The following NOTCH3 variants were observed in gnomAD, a reference collection of about 807,000 sequenced individuals.
NOTCH3 encodes the protein notch receptor 3.
NOTCH3 carries 86 observed loss-of-function variants against 213.3 expected under a neutral mutation model. That is an observed-to-expected ratio of 0.40 (90% CI 0.34 to 0.48). NOTCH3 has a LOEUF of 0.48. Ranked by LOEUF, NOTCH3 falls within the 20% of genes least tolerant of loss-of-function variation. The pLI is 0.57. For missense variants in NOTCH3, 2,783 were observed against 3,272.6 expected, an observed-to-expected ratio of 0.85 and a Z score of 3.65; for synonymous variants, 1,354 against 1,355.9, an observed-to-expected ratio of 1.00 and a Z score of 0.03.
In NOTCH3 at chr19:15,200,913, G is replaced by T; in HGVS notation, c.-8C>A. The T allele has an allele frequency of 2.7e-6, 1 of 364,246 alleles. No individual in the cohort carries two copies. The highest frequency in any genetic ancestry group is 7.1e-5 in the East Asian group (1 of 14,006). 22.6% of individuals were successfully genotyped at this position (364,246 alleles called of 1,614,324 possible). On this transcript the variant is annotated 5_prime_UTR_variant, in exon 1 of 33. Coordinates refer to ENST00000263388, the MANE Select transcript of NOTCH3 (RefSeq NM_000435.3). The stretch of plus-strand genomic sequence containing the variant: ...ACGGGCCCCCGGCCCCATGGCGGCC[G>T]GCCGCGACCCTCCCCTCCTCCCTCC...
intron 2 of NOTCH3, among the ~76,000 whole-genome samples, chr19:15,193,784 AAAC>A (rs1187678030): frequency 0.013 from 1,693 of 134,778 alleles, 180 homozygotes; most frequent in African/African-American, 0.043. Context: ...AAAAAACAAA[AAAC>A]AAAAAAAACA....
At chr19:15,197,450 C>G in intron 2 of NOTCH3, 50 bp downstream of exon 2, 1 of 890,776 alleles carries the variant, frequency 1.1e-6, no homozygotes, top group South Asian at 1.4e-5. Flanking sequence ...CGCCCCTCCC[C>G]CCCGCCCCCA....
Position 15,165,870 on chromosome 19 carries a change from C to T in NOTCH3, c.5584G>A (p.Gly1862Arg). 2 of 1,614,090 alleles carry T rather than the reference C, an allele frequency of 1.2e-6. No homozygotes were observed. Among genetic ancestry groups the T allele is most frequent in the Non-Finnish European group, 1.7e-6 (2 of 1,180,008 alleles). The change falls in exon 30 of 33, where the codon GGG becomes AGG. Residue 1862 changes from glycine to arginine, a missense_variant. Physicochemically the swap from Gly to Arg is moderately radical, Grantham distance 125 (BLOSUM62 -2). This residue lies in a region of NOTCH3 where 636 missense variants were observed against 801.8 expected (regional missense o/e 0.79). Transcript: ENST00000263388. This position sits in a 1 kb window ranked among gnomAD's most constrained non-coding sequence, Gnocchi z 4.7. ...TGGTCCTGGGCATTGGTGTCTGCCC[C>T]AGCATCCAGCAGCCGCTTGGCTGCA... is the stretch of plus-strand genomic sequence containing the variant. ...ADAAKRLLDA[G>R]ADTNAQDHSG...
intron 2 of NOTCH3, among the ~76,000 whole-genome samples, chr19:15,193,799 A>AG: frequency 7.1e-6 from 1 of 140,822 alleles, no homozygotes; most frequent in African/African-American, 2.6e-5. Context: ...AAAAAAACAA[A>AG]CAGGCCAGGC....
rs2046939598 is a variant in NOTCH3 at position 15,192,661 on chromosome 19, T to TC, written c.198-143dup. 8 of 1,257,300 alleles carry TC rather than the reference T, an allele frequency of 6.4e-6. No homozygotes were observed. In the African/African-American group the frequency reaches 1.2e-4, roughly 19 times the overall value. 77.9% of individuals were successfully genotyped at this position (1,257,300 alleles called of 1,614,324 possible). ...TGGGAGCAGTGGCTCACGCCTGTAATCCCAGAACTTTGGGAGGCTGCGGCG... is the reference window on the plus strand; with the variant it reads ...TGGGAGCAGTGGCTCACGCCTGTAATCCCCAGAACTTTGGGAGGCTGCGGCG... On this transcript the variant is annotated intron_variant, in intron 2 of 32. Transcript: ENST00000263388.
Position 15,177,997 on chromosome 19 carries a change from G to GC in NOTCH3, c.3930dup (p.Pro1311AlafsTer252). 1 of 1,459,826 alleles carries GC rather than the reference G, an allele frequency of 6.9e-7. No individual in the cohort carries two copies. Among genetic ancestry groups the GC allele is most frequent in the South Asian group, 1.3e-5 (1 of 76,518 alleles). The allele number at this position is 1,459,826 out of a possible 1,614,324, so 90.4% of individuals were successfully genotyped here. A position where few individuals can be genotyped will look rare whatever the true frequency, so the allele number is the denominator to read the frequency against. On this transcript the variant is annotated frameshift_variant, in exon 24 of 33. Transcript: ENST00000263388. LOFTEE classifies it high-confidence loss of function. ...AACCCTGGGGGGCAGGCGCAGCGCGGCCCGCGGGGCGTCTGCTGGCATGGG... is the reference window on the plus strand; with the variant it reads ...AACCCTGGGGGGCAGGCGCAGCGCGGCCCCGCGGGGCGTCTGCTGGCATGGG...
In NOTCH3 at chr19:15,161,334, C is replaced by A. The variant is rs558864862; in HGVS notation, c.6294G>T (p.Thr2098=). 6 of 1,524,948 alleles carry A rather than the reference C, an allele frequency of 3.9e-6. No homozygotes were observed. In the East Asian group the frequency reaches 9.5e-5, roughly 24 times the overall value. 94.5% of individuals were successfully genotyped at this position (1,524,948 alleles called of 1,614,324 possible). ...CPGPLADSSV[T]LSPVDSLDSP... is the part of the protein sequence containing the mutation. Reference sequence around the variant, plus strand: ...AGTCCAGCGAGTCCACGGGCGACAGCGTGACCGAGCTGTCAGCCAGGGGGC... The same window carrying A: ...AGTCCAGCGAGTCCACGGGCGACAGAGTGACCGAGCTGTCAGCCAGGGGGC... The change falls in exon 33 of 33, where the codon ACG becomes ACT. Residue 2098 remains threonine, a synonymous_variant. Transcript: ENST00000263388.
Position 15,187,174 on chromosome 19 carries a change from A to G in NOTCH3, c.1771T>C (p.Cys591Arg), listed in dbSNP as rs2046889082. The G allele has an allele frequency of 6.2e-7, 1 of 1,613,980 alleles. No individual in the cohort carries two copies. The highest frequency in any genetic ancestry group is 1.7e-5 in the Admixed American group (1 of 60,006). ...TCTAGGCATTTGCCGCCATGGCGGCAGGGCTGGCTGCGGCATTCGTCCACC... is the reference window on the plus strand; with the variant it reads ...TCTAGGCATTTGCCGCCATGGCGGCGGGGCTGGCTGCGGCATTCGTCCACC... ...SQVDECRSQP[C>R]RHGGKCLDLV... Residue 591 changes from cysteine (C) to arginine (R), a missense_variant, in exon 11 of 33, where the codon TGC (cysteine) becomes CGC (arginine). By Grantham distance (180) the Cys-to-Arg change is radical (BLOSUM62 -3). Transcript: ENST00000263388.
chr19:15,180,071 C>T lies in NOTCH3; in HGVS notation c.3327+1G>A. Reference sequence around the variant, plus strand: ...CCCTCTCCTGGGGAGCGCCCCCTTACCTCACACATGTAGCCCCCCATATAG... The same window carrying T: ...CCCTCTCCTGGGGAGCGCCCCCTTATCTCACACATGTAGCCCCCCATATAG... On this transcript the variant is annotated splice_donor_variant, in intron 20 of 32. Transcript: ENST00000263388. LOFTEE classifies it high-confidence loss of function. 6.2e-7 allele frequency: 1 copy of T among 1,603,932 alleles called. No individual in the cohort carries two copies. Among genetic ancestry groups the T allele is most frequent in the Non-Finnish European group, 8.5e-7 (1 of 1,172,454 alleles).
rs2145450999 is a variant in NOTCH3 at position 15,197,488 on chromosome 19, C to T, written c.197+12G>A. 1.4e-6 allele frequency: 2 copies of T among 1,407,058 alleles called. No individual in the cohort carries two copies. Among genetic ancestry groups the T allele is most frequent in the Non-Finnish European group, 1.9e-6 (2 of 1,040,308 alleles). The allele number at this position is 1,407,058 out of a possible 1,614,324, so 87.2% of individuals were successfully genotyped here. A position where few individuals can be genotyped will look rare whatever the true frequency, so the allele number is the denominator to read the frequency against. ...CACAGGGCCCACTGGTGGCTCTGAGCCAGGCACTCACAGGCAGGCAGCCTC... is the reference window on the plus strand; with the variant it reads ...CACAGGGCCCACTGGTGGCTCTGAGTCAGGCACTCACAGGCAGGCAGCCTC... On this transcript the variant is annotated intron_variant, in intron 2 of 32. Coordinates refer to ENST00000263388, the MANE Select transcript of NOTCH3 (RefSeq NM_000435.3).
intron 2 of NOTCH3, 54 bp downstream of exon 2, chr19:15,197,446 T>TCCCCCCCC: frequency 4.3e-6 from 2 of 460,704 alleles, no homozygotes; most frequent in South Asian, 1.9e-5. Context: ...AAATCGCCCC[T>TCCCCCCCC]CCCCCCCGCC....
At chr19:15,194,063 CAG>C (rs1490737969) in intron 2 of NOTCH3, among the ~76,000 whole-genome samples, 1 of 152,096 alleles carries the variant, frequency 6.6e-6, no homozygotes, top group African/African-American at 2.4e-5. Context: ...GCCTGGGTGA[CAG>C]AGAGAGACTC....
chr19:15,197,740 C>T lies in NOTCH3; in HGVS notation c.119-162G>A, dbSNP rs920628502. Among the ~76,000 whole-genome samples the T allele has an allele frequency of 2.7e-4, 21 of 77,256 alleles. 1 individual carries two copies. Among genetic ancestry groups the T allele is most frequent in the African/African-American group, 6.3e-4 (19 of 30,192 alleles). The allele number at this position is 77,256 out of a possible 152,430, so 50.7% of individuals were successfully genotyped here. A position where few individuals can be genotyped will look rare whatever the true frequency, so the allele number is the denominator to read the frequency against. On this transcript the variant is annotated intron_variant, in intron 1 of 32. Coordinates refer to ENST00000263388, the MANE Select transcript of NOTCH3 (RefSeq NM_000435.3). ...CCCCATCCACAGTTCCCACGCCCCC[C>T]CCCCCCCCGCCCCAGCCCCAGCTGT...
intron 29 of NOTCH3, 67 bp from the exon 30 acceptor site, chr19:15,166,158 G>T: frequency 7.0e-7 from 1 of 1,431,936 alleles, no homozygotes; most frequent in Non-Finnish European, 9.8e-7. Context: ...TGTTATCAAG[G>T]GTACCCCATT....
In NOTCH3 at chr19:15,161,651, C is replaced by T. The variant is rs1322708660; in HGVS notation, c.5977G>A (p.Asp1993Asn). ...GTGATCTCACGGTTGGCAAAGTGGT[C>T]CAACAGCAGCTTGGCAGCCTCATAG... ...GSYEAAKLLL[D>N]HFANREITDH... Residue 1993 changes from aspartate (D) to asparagine (N), a missense_variant, in exon 33 of 33, where the codon GAC becomes AAC. Transcript: ENST00000263388. 6.2e-7 allele frequency: 1 copy of T among 1,613,896 alleles called. No homozygotes were observed.
chr19:15,198,635 TA>T (rs2046987848), intron 1 of NOTCH3, among the ~76,000 whole-genome samples: 1 of 152,016 alleles, frequency 6.6e-6, no homozygotes, highest in Non-Finnish European at 1.5e-5. Flanking sequence ...CCTGTAATCC[TA>T]GCTACTCAGG....
chr19:15,165,700 G>C lies in NOTCH3; in HGVS notation c.5667+87C>G. 1 of 1,487,162 alleles carries C rather than the reference G, an allele frequency of 6.7e-7. No homozygotes were observed. The highest frequency in any genetic ancestry group is 1.2e-5 in the South Asian group (1 of 86,938). 92.1% of individuals were successfully genotyped at this position (1,487,162 alleles called of 1,614,324 possible). A position where few individuals can be genotyped will look rare whatever the true frequency, so the allele number is the denominator to read the frequency against. On this transcript the variant is annotated intron_variant, in intron 30 of 32. Transcript: ENST00000263388. The surrounding 1 kb of genome is among the most constrained non-coding windows in gnomAD (Gnocchi z 4.7). ...CCCCATTTTCCAAATGAGAAAAAAT[G>C]AGTCTGAAAGGCAGAACTGGGGCTC... is the stretch of plus-strand genomic sequence containing the variant.
At chr19:15,162,164 T>C (rs1186819288) in intron 32 of NOTCH3, among the ~76,000 whole-genome samples, 2 of 151,800 alleles carry the variant, frequency 1.3e-5, no homozygotes, top group Non-Finnish European at 2.9e-5. Flanking sequence ...GTATTTTTAA[T>C]AGAGACAGGG....
At chr19:15,171,928 C>T (rs2046738392) in intron 25 of NOTCH3, among the ~76,000 whole-genome samples, 2 of 151,410 alleles carry the variant, frequency 1.3e-5, no homozygotes, top group Non-Finnish European at 2.9e-5. Context: ...CAGAGTTTCA[C>T]TCTTGTTGCC....
Sources: allele counts gnomAD v4.1 joint callset (sites outside exome capture counted in the v4.1 genomes callset), GRCh38; gene constraint gnomAD v4.1.1; regional missense constraint gnomAD v4.1.1; non-coding constraint Gnocchi (gnomAD v3.1); transcripts MANE v1.5; gene names NCBI Gene and HGNC (gene_info 2026-07-23, HGNC 2026-07-21).